The following FAM168A variants were observed in gnomAD, a reference collection of about 807,000 sequenced individuals.
FAM168A encodes family with sequence similarity 168 member A.
Under a neutral mutation model 28.5 loss-of-function variants are expected in FAM168A, and 3 were observed. The ratio of observed to expected loss-of-function variants is 0.11; its 90% CI spans 0.05 to 0.27. The LOEUF (loss-of-function observed/expected upper bound fraction) is 0.27, where lower values mean the gene tolerates loss of function less well. FAM168A is among the 10% of genes least tolerant of loss of function. The probability of loss-of-function intolerance (pLI) is 1.00; values close to 1 mark genes in which losing one functional copy is unlikely to be tolerated. For missense variants in FAM168A, 222 were observed against 311.5 expected, an observed-to-expected ratio of 0.71 and a Z score of 2.16; for synonymous variants, 122 against 124.2, an observed-to-expected ratio of 0.98 and a Z score of 0.12.
At chr11:73,554,581 C>A (rs530891330) in intron 1 of FAM168A, among the ~76,000 whole-genome samples, 1 of 151,752 alleles carries the variant, frequency 6.6e-6, no homozygotes, top group East Asian at 1.9e-4. Flanking sequence ...GGCATTTTTC[C>A]AAAAAACAAG....
intron 1 of FAM168A, among the ~76,000 whole-genome samples, chr11:73,597,456 C>G (rs936561272): frequency 6.6e-6 from 1 of 151,946 alleles, no homozygotes; most frequent in African/African-American, 2.4e-5. Flanking sequence ...CCTAACCAAC[C>G]CTGTACATGC....
At chr11:73,506,477 G>A (rs1391316797) in intron 1 of FAM168A, among the ~76,000 whole-genome samples, 1 of 151,996 alleles carries the variant, frequency 6.6e-6, no homozygotes, top group East Asian at 1.9e-4. Context: ...TTCTCTGTAT[G>A]TTTTGCCTGT....
intron 3 of FAM168A, chr11:73,430,300 G>C (rs968668011): frequency 5.7e-5 from 14 of 247,238 alleles, no homozygotes; most frequent in Non-Finnish European, 1.0e-4. Flanking sequence ...GTGTGTGTGT[G>C]TGTCCCAAGG....
chr11:73,504,936 T>C lies in FAM168A; in HGVS notation c.-18-36444A>G, dbSNP rs890489068. ...ACCAAACACTGCATGTTCTCACTCATAAGTGGGAGCGGAACACTGAGAACA... is the reference window on the plus strand; with the variant it reads ...ACCAAACACTGCATGTTCTCACTCACAAGTGGGAGCGGAACACTGAGAACA... On this transcript the variant is annotated intron_variant, in intron 1 of 7. Coordinates refer to ENST00000356467, the MANE Select transcript of FAM168A (RefSeq NM_015159.3). Among the ~76,000 whole-genome samples the C allele has an allele frequency of 2.6e-5, 4 of 152,066 alleles. No homozygotes were observed. In the South Asian group the frequency reaches 6.2e-4, roughly 24 times the overall value.
At chr11:73,518,680 G>A (rs966690327) in intron 1 of FAM168A, among the ~76,000 whole-genome samples, 12 of 151,970 alleles carry the variant, frequency 7.9e-5, no homozygotes, top group Non-Finnish European at 1.2e-4. Context: ...GGTGGATCAC[G>A]AGGTCAGGAG....
intron 1 of FAM168A, among the ~76,000 whole-genome samples, chr11:73,492,510 C>T (rs1313391346): frequency 2.6e-5 from 4 of 152,038 alleles, no homozygotes; most frequent in African/African-American, 4.8e-5. Flanking sequence ...GGCACGGTGG[C>T]GTGCACCTGT....
At chr11:73,409,037 A>C (rs917953271) in intron 6 of FAM168A, among the ~76,000 whole-genome samples, 17 of 152,058 alleles carry the variant, frequency 1.1e-4, no homozygotes, top group African/African-American at 3.6e-4. Context: ...CTGCAGCCAG[A>C]GAATGTTTAA....
intron 3 of FAM168A, chr11:73,420,745 GA>G: frequency 6.6e-6 from 1 of 152,358 alleles, no homozygotes; most frequent in African/African-American, 2.4e-5. Flanking sequence ...AAGCACATAT[GA>G]AATTTGGGGT....
At chr11:73,544,920 T>TATAATATATTATATATTAC (rs1295069930) in intron 1 of FAM168A, among the ~76,000 whole-genome samples, 4 of 95,610 alleles carry the variant, frequency 4.2e-5, no homozygotes, top group Non-Finnish European at 5.6e-5. Flanking sequence ...ATATATTATA[T>TATAATATATTATATATTAC]ATAATATAAA....
intron 2 of FAM168A, among the ~76,000 whole-genome samples, chr11:73,437,709 G>GCA (rs1867117055): frequency 6.6e-6 from 1 of 151,872 alleles, no homozygotes; most frequent in African/African-American, 2.4e-5. Flanking sequence ...AGAACTGCTT[G>GCA]AACCCAAGAC....
intron 1 of FAM168A, among the ~76,000 whole-genome samples, chr11:73,595,577 A>T (rs541315007): frequency 1.3e-4 from 20 of 152,310 alleles, no homozygotes; most frequent in Admixed American, 3.9e-4. Context: ...TAATGCAATT[A>T]GGTCCATAGA....
Position 73,401,206 on chromosome 11 carries a change from C to T in FAM168A, c.*5557G>A, listed in dbSNP as rs975590159. 1 of 151,942 alleles carries T rather than the reference C, an allele frequency of 6.6e-6. No homozygotes were observed. The allele number at this position is 151,942 out of a possible 1,614,324, so 9.4% of individuals were successfully genotyped here. A position where few individuals can be genotyped will look rare whatever the true frequency, so the allele number is the denominator to read the frequency against. On this transcript the variant is annotated 3_prime_UTR_variant, in exon 8 of 8. Transcript: ENST00000356467. ...TAAAATGAATTAAAAAATACAAAAT[C>T]ATATACAACGCTCTCTTCACAGGGA...
At chr11:73,522,962 G>A (rs1182981536) in intron 1 of FAM168A, among the ~76,000 whole-genome samples, 1 of 152,018 alleles carries the variant, frequency 6.6e-6, no homozygotes, top group Non-Finnish European at 1.5e-5. Context: ...GCAGTGAGCA[G>A]AGATAACACC....
rs141752836 is a variant in FAM168A, at chr11:73,481,841, T to C, written c.-18-13349A>G. ...TCCCAAATGCAACAGTGTTGGGAGA[T>C]AGAGCCTTCTGGGAGGTCTTCAGGT... is the stretch of plus-strand genomic sequence containing the variant. On this transcript the variant is annotated intron_variant, in intron 1 of 7. Coordinates refer to ENST00000356467, the MANE Select transcript of FAM168A (RefSeq NM_015159.3). 9.3e-4 allele frequency among the ~76,000 whole-genome samples: 141 copies of C among 152,310 alleles called. 1 individual carries two copies. Among genetic ancestry groups the C allele is most frequent in the African/African-American group, 3.1e-3 (128 of 41,578 alleles).
intron 3 of FAM168A, among the ~76,000 whole-genome samples, chr11:73,421,678 T>A (rs1462997676): frequency 6.6e-6 from 1 of 152,186 alleles, no homozygotes; most frequent in Non-Finnish European, 1.5e-5. Flanking sequence ...CTTATCAACA[T>A]GTCTCCAAAT....
At chr11:73,465,098 G>A (rs936157661) in intron 2 of FAM168A, among the ~76,000 whole-genome samples, 11 of 151,278 alleles carry the variant, frequency 7.3e-5, no homozygotes, top group Non-Finnish European at 8.8e-5. Context: ...CATTTTCACC[G>A]ACTACAAACC....
At chr11:73,431,205 G>A (rs1866986193) in intron 2 of FAM168A, among the ~76,000 whole-genome samples, 1 of 152,094 alleles carries the variant, frequency 6.6e-6, no homozygotes, top group African/African-American at 2.4e-5. Flanking sequence ...AGCCAGGCGT[G>A]GTGGTGGGCG....
chr11:73,495,922 A>G (rs1218508430), intron 1 of FAM168A, among the ~76,000 whole-genome samples: 1 of 152,262 alleles, frequency 6.6e-6, no homozygotes, highest in Non-Finnish European at 1.5e-5. Flanking sequence ...TCACTTCTGC[A>G]TATACATTCA....
intron 2 of FAM168A, among the ~76,000 whole-genome samples, chr11:73,439,882 T>TC (rs1379212593): frequency 6.9e-6 from 1 of 145,178 alleles, no homozygotes; most frequent in Non-Finnish European, 1.5e-5. Context: ...CAGGTCACTT[T>TC]TTTTTTTTTT....
Sources: allele counts gnomAD v4.1 joint callset (sites outside exome capture counted in the v4.1 genomes callset), GRCh38; gene constraint gnomAD v4.1.1; transcripts MANE v1.5; gene names NCBI Gene and HGNC (gene_info 2026-07-23, HGNC 2026-07-21).